Variants in TAFA2 observed in about 807,000 individuals in gnomAD.
TAFA2 encodes chemokine-like protein TAFA-2.
Under a neutral mutation model 18.8 loss-of-function variants are expected in TAFA2, and 7 were observed. The observed-to-expected ratio is 0.37, with a 90% CI of 0.21 to 0.70. The LOEUF (loss-of-function observed/expected upper bound fraction) is 0.70. Among genes scored for constraint, TAFA2 ranks in the 30% least tolerant of loss-of-function variants. The probability of loss-of-function intolerance (pLI) is 0.53; values close to 1 mark genes in which losing one functional copy is unlikely to be tolerated. For missense variants in TAFA2, 122 were observed against 158.1 expected, an observed-to-expected ratio of 0.77 and a Z score of 1.23; for synonymous variants, 60 against 54.2, an observed-to-expected ratio of 1.11 and a Z score of -0.47.
chr12:61,799,817 G>A (rs554709484), intron 2 of TAFA2, among the ~76,000 whole-genome samples: 5 of 152,024 alleles, frequency 3.3e-5, no homozygotes, highest in South Asian at 2.1e-4. Context: ...GCAAGACTCC[G>A]TCTCAAAATA....
intron 1 of TAFA2, among the ~76,000 whole-genome samples, chr12:61,905,919 C>A (rs947113617): frequency 1.3e-5 from 2 of 152,176 alleles, no homozygotes; most frequent in East Asian, 1.9e-4. Context: ...AATACTTTAA[C>A]AATTCATCTG....
At chr12:62,247,011 C>CTT (rs2062889807) in intron 1 of TAFA2, among the ~76,000 whole-genome samples, 1 of 151,840 alleles carries the variant, frequency 6.6e-6, no homozygotes, top group African/African-American at 2.4e-5. Context: ...TATATTTGGC[C>CTT]TTATTTCTAC....
rs977348776 is a variant in TAFA2 at position 62,029,394 on chromosome 12, A to C, written c.-2+161865T>G. 4.6e-5 allele frequency among the ~76,000 whole-genome samples: 7 copies of C among 152,274 alleles called. 1 individual carries two copies. The Middle Eastern group carries it at 0.017, about 370-fold the overall frequency. ...TGTTATCAGAACCATTTTATTGATA[A>C]GAAAATTATGTTTCTGAAAAGTTAA... On this transcript the variant is annotated intron_variant, in intron 1 of 4. Transcript: ENST00000416284.
intron 1 of TAFA2, among the ~76,000 whole-genome samples, chr12:61,952,288 C>T: frequency 6.6e-6 from 1 of 151,992 alleles, no homozygotes; most frequent in East Asian, 1.9e-4. Context: ...AATTATTTTT[C>T]TCTATTAGGT....
At chr12:61,786,504 G>A (rs543624171) in intron 2 of TAFA2, among the ~76,000 whole-genome samples, 19 of 151,704 alleles carry the variant, frequency 1.3e-4, no homozygotes, top group South Asian at 8.3e-4. Flanking sequence ...AATTGAAATT[G>A]ATCCAGAATT....
rs148775747 is a variant in TAFA2, at chr12:62,181,672, G to A, written c.-2+9587C>T. On this transcript the variant is annotated intron_variant, in intron 1 of 4. Coordinates refer to ENST00000416284, the MANE Select transcript of TAFA2 (RefSeq NM_178539.5). ...CTTCCAGAGCATTGATAAAACTGAT[G>A]ACGAAATATTTCATCCAGTGAACTG... Among the ~76,000 whole-genome samples the A allele has an allele frequency of 7.4e-4, 112 of 152,226 alleles. 3 individuals are homozygous for A. The East Asian group carries it at 0.015, about 21-fold the overall frequency.
chr12:62,091,740 T>G (rs540541443), intron 1 of TAFA2, among the ~76,000 whole-genome samples: 3 of 151,952 alleles, frequency 2.0e-5, no homozygotes, highest in Non-Finnish European at 4.4e-5. Flanking sequence ...CGATAGTCAT[T>G]CAGTGATTTG....
At chr12:62,140,052 C>T (rs1215345736) in intron 1 of TAFA2, 1 of 152,074 alleles carries the variant, frequency 6.6e-6, no homozygotes, top group African/African-American at 2.4e-5. Context: ...AATACCAAAG[C>T]GGCAATGTGT....
At chr12:61,948,863 A>G in intron 1 of TAFA2, among the ~76,000 whole-genome samples, 1 of 152,298 alleles carries the variant, frequency 6.6e-6, no homozygotes, top group South Asian at 2.1e-4. Flanking sequence ...GCTAAGCAGA[A>G]GTCAGGTGAT....
At chr12:61,967,192 T>G (rs1339228071) in intron 1 of TAFA2, among the ~76,000 whole-genome samples, 1 of 151,842 alleles carries the variant, frequency 6.6e-6, no homozygotes, top group South Asian at 2.1e-4. Flanking sequence ...CTTGTACTTT[T>G]CTGTAACCAG....
At chr12:62,071,376 A>G (rs1882626710) in intron 1 of TAFA2, among the ~76,000 whole-genome samples, 1 of 152,102 alleles carries the variant, frequency 6.6e-6, no homozygotes. Context: ...ATCATGTAGG[A>G]CTTTGTAAGC....
intron 4 of TAFA2, among the ~76,000 whole-genome samples, chr12:61,725,172 T>C (rs995240082): frequency 6.6e-6 from 1 of 152,118 alleles, no homozygotes; most frequent in Non-Finnish European, 1.5e-5. Context: ...CCTTTGTAGA[T>C]TCTGGATATA....
Position 62,121,114 on chromosome 12 carries a change from T to C in TAFA2, c.-2+70145A>G, listed in dbSNP as rs115411392. ...GGTGATCTGGCTGCATCATGATTTCTATGAACTACCCTAGGTAAGTTCAAT... is the reference window on the plus strand; with the variant it reads ...GGTGATCTGGCTGCATCATGATTTCCATGAACTACCCTAGGTAAGTTCAAT... On this transcript the variant is annotated intron_variant, in intron 1 of 4. Transcript: ENST00000416284. 3.5e-3 allele frequency among the ~76,000 whole-genome samples: 538 copies of C among 152,180 alleles called. 4 individuals are homozygous for C. Among genetic ancestry groups the C allele is most frequent in the African/African-American group, 0.013 (525 of 41,526 alleles).
intron 1 of TAFA2, among the ~76,000 whole-genome samples, chr12:61,931,895 C>A (rs965645943): frequency 1.3e-5 from 2 of 152,116 alleles, no homozygotes; most frequent in African/African-American, 4.8e-5. Context: ...ATACAGGGCT[C>A]TTACCTGCCT....
At chr12:61,770,345 T>G (rs1283255979) in intron 2 of TAFA2, among the ~76,000 whole-genome samples, 2 of 152,142 alleles carry the variant, frequency 1.3e-5, no homozygotes, top group East Asian at 3.9e-4. Context: ...TTCCCTGGCC[T>G]TGCTAGAGAT....
At position 61,863,421 on chromosome 12, in the gene TAFA2, G is replaced by C. The variant is rs545923669; in HGVS notation, c.106+3899C>G. On this transcript the variant is annotated intron_variant, in intron 2 of 4. Coordinates refer to ENST00000416284, the MANE Select transcript of TAFA2 (RefSeq NM_178539.5). ...CAGCAGCAAGAGAATGGTAACCCAG[G>C]GCTCAGAACTCTTAGTAAAACATTA... Among the ~76,000 whole-genome samples, 5 of 152,240 alleles carry C rather than the reference G, an allele frequency of 3.3e-5. No homozygotes were observed. The South Asian group carries it at 6.2e-4, about 19-fold the overall frequency.
intron 1 of TAFA2, among the ~76,000 whole-genome samples, chr12:61,870,639 C>T (rs749607070): frequency 6.6e-6 from 1 of 152,116 alleles, no homozygotes; most frequent in African/African-American, 2.4e-5. Context: ...TCTCCACACA[C>T]ACTCACAGTC....
At chr12:61,954,608 T>A (rs573527877) in intron 1 of TAFA2, among the ~76,000 whole-genome samples, 2 of 152,248 alleles carry the variant, frequency 1.3e-5, no homozygotes, top group Non-Finnish European at 2.9e-5. Context: ...GGACTTGAGC[T>A]GACAAGACAA....
chr12:61,736,136 G>T (rs1244940349), intron 4 of TAFA2, among the ~76,000 whole-genome samples: 1 of 151,894 alleles, frequency 6.6e-6, no homozygotes, highest in Non-Finnish European at 1.5e-5. Context: ...GCTGGGTTCT[G>T]CAAGGTCGTC....
Sources: allele counts gnomAD v4.1 joint callset (sites outside exome capture counted in the v4.1 genomes callset), GRCh38; gene constraint gnomAD v4.1.1; transcripts MANE v1.5; gene names NCBI Gene and HGNC (gene_info 2026-07-23, HGNC 2026-07-21).